Variants in WDR89 observed in about 807,000 individuals in gnomAD.
The protein encoded by WDR89 is WD repeat-containing protein 89.
WDR89 carries 17 observed loss-of-function variants against 29.1 expected under a neutral mutation model. The observed-to-expected ratio is 0.58, with a 90% CI of 0.40 to 0.88. The LOEUF is 0.88. WDR89 is among the 40% of genes least tolerant of loss of function. WDR89 has a pLI of 0.00. For synonymous variants in WDR89, 138 were observed against 157.8 expected (o/e 0.87, Z 0.94); for missense variants, 396 against 456.3 (o/e 0.87, Z 1.20).
In WDR89 at chr14:63,597,041, A is replaced by T. The variant is rs1894830097; in HGVS notation, c.*1738T>A. 1 of 152,198 alleles carries T rather than the reference A, an allele frequency of 6.6e-6. No homozygotes were observed. Among genetic ancestry groups the T allele is most frequent in the Non-Finnish European group, 1.5e-5 (1 of 68,042 alleles). The allele number at this position is 152,198 out of a possible 1,614,324, so 9.4% of individuals were successfully genotyped here. On this transcript the variant is annotated 3_prime_UTR_variant, in exon 3 of 3. Coordinates refer to ENST00000620954, the MANE Select transcript of WDR89 (RefSeq NM_080666.4). ...ATAAATAACTGCCCAAGACTGGGTA[A>T]TTTATAAAGGAAAGTGTTTAATTGA... is the stretch of plus-strand genomic sequence containing the variant.
At chr14:63,622,677 G>A (rs533700724) in intron 2 of WDR89, among the ~76,000 whole-genome samples, 1 of 152,176 alleles carries the variant, frequency 6.6e-6, no homozygotes, top group Admixed American at 6.5e-5. Context: ...TGAGGCACAA[G>A]AATTGCTTGA....
At chr14:63,619,510 T>G (rs764601095) in intron 2 of WDR89, among the ~76,000 whole-genome samples, 30 of 152,140 alleles carry the variant, frequency 2.0e-4, no homozygotes, top group Admixed American at 4.6e-4. Flanking sequence ...CACTCAGATA[T>G]ATACTATACA....
chr14:63,638,806 G>C (rs561235417), intron 1 of WDR89, among the ~76,000 whole-genome samples: 4 of 152,316 alleles, frequency 2.6e-5, no homozygotes, highest in Admixed American at 2.6e-4. Context: ...TTATGGGATA[G>C]GATGTTTTAC....
intron 2 of WDR89, among the ~76,000 whole-genome samples, chr14:63,610,106 G>A (rs1881857994): frequency 2.0e-5 from 3 of 151,402 alleles, no homozygotes. Context: ...TGTAATCCCA[G>A]CTACTTGGGA....
intron 2 of WDR89, among the ~76,000 whole-genome samples, chr14:63,613,821 CTTTTTTTTTTTTTTTT>C (rs751893850): frequency 8.3e-6 from 1 of 121,068 alleles, no homozygotes; most frequent in Admixed American, 8.5e-5. Context: ...TTTTAAACAT[CTTTTTTTTTTTTTTTT>C]TTTTTTAATA....
chr14:63,611,078 C>G (rs1262472383), intron 2 of WDR89, among the ~76,000 whole-genome samples: 1 of 151,872 alleles, frequency 6.6e-6, no homozygotes. Flanking sequence ...GTGGCTCATG[C>G]CTGCAATCCT....
chr14:63,609,072 A>G (rs1881788863), intron 2 of WDR89, among the ~76,000 whole-genome samples: 2 of 152,022 alleles, frequency 1.3e-5, no homozygotes, highest in Non-Finnish European at 2.9e-5. Context: ...AGATGGCGCC[A>G]CTGCACTCCA....
Position 63,599,223 on chromosome 14 carries a change from T to A in WDR89, c.720A>T (p.Gly240=). Residue 240 remains glycine (G), a synonymous_variant, in exon 3 of 3, where the codon GGA becomes GGT. Coordinates refer to ENST00000620954, the MANE Select transcript of WDR89 (RefSeq NM_080666.4). ...GATGATTAAGATCCCACCAATAAAA[T>A]CCTTCATCATGTGTCATGCAGTAAA... is the stretch of plus-strand genomic sequence containing the variant. The part of the protein sequence containing the change: ...KQIYCMTHDE[G]FYWWDLNHLD... 6.2e-7 allele frequency: 1 copy of A among 1,605,064 alleles called. No individual in the cohort carries two copies. Among genetic ancestry groups the A allele is most frequent in the Non-Finnish European group, 8.5e-7 (1 of 1,174,206 alleles).
In WDR89 at chr14:63,599,595, AT is replaced by A; in HGVS notation, c.347del (p.Asn116IlefsTer35). On this transcript the variant is annotated frameshift_variant, in exon 3 of 3. Coordinates refer to ENST00000620954, the MANE Select transcript of WDR89 (RefSeq NM_080666.4). LOFTEE classifies it high-confidence loss of function. ...PVQLFKGYPS[N>X]IFISFDINCN... is the part of the protein sequence containing the mutation. ...AATTAATATCAAAACTGATAAAAAT[AT>A]TGGAAGGGTAACCCTTGAAGAGCTG... 1 of 1,614,140 alleles carries A rather than the reference AT, an allele frequency of 6.2e-7. No homozygotes were observed. The highest frequency in any genetic ancestry group is 8.5e-7 in the Non-Finnish European group (1 of 1,179,994).
intron 2 of WDR89, among the ~76,000 whole-genome samples, chr14:63,609,066 G>A (rs1029023625): frequency 2.0e-5 from 3 of 151,672 alleles, no homozygotes; most frequent in African/African-American, 7.3e-5. Flanking sequence ...GAGCCGAGAT[G>A]GCGCCACTGC....
At chr14:63,626,183 C>A (rs1034230417) in intron 1 of WDR89, among the ~76,000 whole-genome samples, 1 of 151,728 alleles carries the variant, frequency 6.6e-6, no homozygotes, top group Admixed American at 6.6e-5. Flanking sequence ...CCTGATTAGA[C>A]AAAAACATAA....
rs1380892888 is a variant in WDR89, at chr14:63,597,282, C to T, written c.*1497G>A. On this transcript the variant is annotated 3_prime_UTR_variant, in exon 3 of 3. Coordinates refer to ENST00000620954, the MANE Select transcript of WDR89 (RefSeq NM_080666.4). ...CCACCCCCATGATCCAATCACCTCCCACCAGGTCTCTCCCTAGACACATGG... is the reference window on the plus strand; with the variant it reads ...CCACCCCCATGATCCAATCACCTCCTACCAGGTCTCTCCCTAGACACATGG... The T allele has an allele frequency of 6.6e-6, 1 of 152,224 alleles. No homozygotes were observed. The highest frequency in any genetic ancestry group is 2.4e-5 in the African/African-American group (1 of 41,462). The allele number at this position is 152,224 out of a possible 1,614,324, so 9.4% of individuals were successfully genotyped here.
chr14:63,634,035 A>C (rs768321765), intron 1 of WDR89, among the ~76,000 whole-genome samples: 14 of 152,230 alleles, frequency 9.2e-5, no homozygotes, highest in Non-Finnish European at 2.1e-4. Flanking sequence ...AACTGTAAAA[A>C]ATCATCAGGA....
intron 1 of WDR89, among the ~76,000 whole-genome samples, chr14:63,636,665 A>G (rs1310548477): frequency 6.6e-6 from 1 of 152,214 alleles, no homozygotes; most frequent in Non-Finnish European, 1.5e-5. Context: ...TAAAGTGGGG[A>G]AAGGACACCC....
At chr14:63,635,288 G>C (rs1883656249) in intron 1 of WDR89, among the ~76,000 whole-genome samples, 1 of 152,158 alleles carries the variant, frequency 6.6e-6, no homozygotes, top group Non-Finnish European at 1.5e-5. Context: ...CCATGATCAA[G>C]TAGGTTTCAT....
Position 63,615,896 on chromosome 14 carries a change from C to T in WDR89, c.-32+9032G>A, listed in dbSNP as rs568921100. Reference sequence around the variant, plus strand: ...CTGAGATGGTGCCACTGCACTCCAGCCTTGGCGACAGAGCAAGACCCTGTC... The same window carrying T: ...CTGAGATGGTGCCACTGCACTCCAGTCTTGGCGACAGAGCAAGACCCTGTC... On this transcript the variant is annotated intron_variant, in intron 2 of 2. Transcript: ENST00000620954. Among the ~76,000 whole-genome samples, 87 of 150,604 alleles carry T rather than the reference C, an allele frequency of 5.8e-4. No homozygotes were observed. In the South Asian group the frequency reaches 9.5e-3, roughly 16 times the overall value.
intron 2 of WDR89, among the ~76,000 whole-genome samples, chr14:63,613,920 AT>A (rs1306353825): frequency 2.0e-5 from 3 of 146,780 alleles, no homozygotes; most frequent in African/African-American, 7.6e-5. Context: ...AAGCGCTGGG[AT>A]TATAGGCATG....
At chr14:63,604,694 T>C (rs1260014600) in intron 2 of WDR89, among the ~76,000 whole-genome samples, 4 of 152,232 alleles carry the variant, frequency 2.6e-5, no homozygotes, top group African/African-American at 9.6e-5. Context: ...AAGTCCTGTT[T>C]TAGTGGTGAA....
chr14:63,636,941 T>C (rs895894983), intron 1 of WDR89, among the ~76,000 whole-genome samples: 2 of 152,180 alleles, frequency 1.3e-5, no homozygotes, highest in African/African-American at 4.8e-5. Flanking sequence ...AAAGAGCTTT[T>C]GCACAGCAAA....
Sources: gnomAD v4.1 joint callset for allele counts (sites outside exome capture counted in the v4.1 genomes callset) on GRCh38, gnomAD v4.1.1 for gene constraint, MANE v1.5 for transcripts, NCBI Gene and HGNC (gene_info 2026-07-23, HGNC 2026-07-21) for gene names.